Variants in TDRD15 observed in about 807,000 individuals in gnomAD.
TDRD15 encodes the protein tudor domain-containing protein 15.
For missense variants in TDRD15, 1,416 were observed against 904.7 expected (o/e 1.57, Z -7.25); for synonymous variants, 503 against 314.5 (o/e 1.60, Z -6.34).
chr2:21,124,147 C>A, intron 1 of TDRD15, 101 bp downstream of exon 1: 1 of 152,882 alleles, frequency 6.5e-6, no homozygotes, highest in Non-Finnish European at 1.5e-5. Context: ...GGGGCTTTGG[C>A]CTCCCAGGGG....
chr2:21,131,829 A>C (rs185755035), intron 2 of TDRD15, among the ~76,000 whole-genome samples: 56 of 152,318 alleles, frequency 3.7e-4, no homozygotes, highest in Non-Finnish European at 7.5e-4. Flanking sequence ...AAACGTTGGT[A>C]GATATAAGTT....
rs1224717776 is a variant in TDRD15, at chr2:21,137,685, C to T, written c.218C>T (p.Ser73Phe). 1.4e-6 allele frequency: 1 copy of T among 714,374 alleles called. No homozygotes were observed. The highest frequency in any genetic ancestry group is 2.0e-5 in the Admixed American group (1 of 49,646). The allele number at this position is 714,374 out of a possible 1,614,324, so 44.3% of individuals were successfully genotyped here. The change falls in exon 4 of 4, where the codon TCT becomes TTT. Residue 73 changes from serine to phenylalanine, a missense_variant. By Grantham distance (155) the Ser-to-Phe change is radical. Transcript: ENST00000405799. ...DEFCLVEERV[S>F]GEWQRGRVME... ...TTTTGTTTGGTGGAAGAAAGAGTATCTGGAGAATGGCAGAGAGGAAGAGTC... is the reference window on the plus strand; with the variant it reads ...TTTTGTTTGGTGGAAGAAAGAGTATTTGGAGAATGGCAGAGAGGAAGAGTC...
chr2:21,132,179 T>C (rs1305105195), intron 2 of TDRD15, among the ~76,000 whole-genome samples: 1 of 151,646 alleles, frequency 6.6e-6, no homozygotes, highest in Admixed American at 6.6e-5. Context: ...GTGATGGGAG[T>C]GTAATAGGAA....
chr2:21,127,235 A>T (rs1181141558), intron 1 of TDRD15, among the ~76,000 whole-genome samples: 1 of 151,866 alleles, frequency 6.6e-6, no homozygotes, highest in African/African-American at 2.4e-5. Flanking sequence ...ATGTTTTGTA[A>T]GTATTTTCTC....
At chr2:21,137,321 C>T (rs545814645) in intron 3 of TDRD15, 144 bp from the exon 4 acceptor site, 27 of 422,126 alleles carry the variant, frequency 6.4e-5, no homozygotes, top group Non-Finnish European at 8.6e-5. Flanking sequence ...GCGTCTCATT[C>T]GATATGTATA....
chr2:21,141,685 C>T lies in TDRD15; in HGVS notation c.4218C>T (p.Ile1406=), dbSNP rs1363078906. 4 of 715,158 alleles carry T rather than the reference C, an allele frequency of 5.6e-6. No individual in the cohort carries two copies. The highest frequency in any genetic ancestry group is 1.0e-5 in the Non-Finnish European group (4 of 383,600). The allele number at this position is 715,158 out of a possible 1,614,324, so 44.3% of individuals were successfully genotyped here. A position where few individuals can be genotyped will look rare whatever the true frequency, so the allele number is the denominator to read the frequency against. ...TTTTAACTGTTCCTCAGCTAGGAAT[C>T]CATGCTTTTCTTAGTGGAGTAAAAT... ...REFLTVPQLG[I]HAFLSGVKWN... is the part of the protein sequence containing the mutation. The change falls in exon 4 of 4, where the codon ATC becomes ATT. Residue 1406 remains isoleucine (I), a synonymous_variant. Transcript: ENST00000405799.
Position 21,143,286 on chromosome 2 carries a change from C to A in TDRD15, c.*14C>A. On this transcript the variant is annotated 3_prime_UTR_variant, in exon 4 of 4. Transcript: ENST00000405799. ...AATCCAATATAAATTACAAAGTAAG[C>A]CTATTTTCCCATTGTTAGATCAAAA... 3.7e-6 allele frequency: 2 copies of A among 539,086 alleles called. No individual in the cohort carries two copies. The highest frequency in any genetic ancestry group is 6.7e-6 in the Non-Finnish European group (2 of 298,980). 33.4% of individuals were successfully genotyped at this position (539,086 alleles called of 1,614,324 possible). A position where few individuals can be genotyped will look rare whatever the true frequency, so the allele number is the denominator to read the frequency against.
In TDRD15 at chr2:21,141,731, T is replaced by C. The variant is rs1157415536; in HGVS notation, c.4264T>C (p.Trp1422Arg). 2 of 715,242 alleles carry C rather than the reference T, an allele frequency of 2.8e-6. No homozygotes were observed. The highest frequency in any genetic ancestry group is 5.4e-5 in the East Asian group (2 of 37,248). The allele number at this position is 715,242 out of a possible 1,614,324, so 44.3% of individuals were successfully genotyped here. A position where few individuals can be genotyped will look rare whatever the true frequency, so the allele number is the denominator to read the frequency against. Residue 1422 changes from tryptophan (W) to arginine (R), a missense_variant, in exon 4 of 4, where the codon TGG (tryptophan) becomes CGG (arginine). Coordinates refer to ENST00000405799, the MANE Select transcript of TDRD15 (RefSeq NM_001306137.2). The part of the protein sequence containing the change: ...GVKWNEPDEI[W>R]DDKTVDYFTS... ...AAAATGGAATGAGCCTGATGAAATATGGGATGACAAAACTGTGGATTATTT... is the reference window on the plus strand; with the variant it reads ...AAAATGGAATGAGCCTGATGAAATACGGGATGACAAAACTGTGGATTATTT...
chr2:21,137,558 T>G lies in TDRD15; in HGVS notation c.91T>G (p.Phe31Val), dbSNP rs1447874998. The G allele has an allele frequency of 1.4e-6, 1 of 714,428 alleles. No individual in the cohort carries two copies. The highest frequency in any genetic ancestry group is 2.6e-6 in the Non-Finnish European group (1 of 383,850). The allele number at this position is 714,428 out of a possible 1,614,324, so 44.3% of individuals were successfully genotyped here. Reference protein sequence around the residue: ...KCLPKDILVKFQGIKSNECEF... With the variant: ...KCLPKDILVKVQGIKSNECEF... ...TCTTCCCAAGGATATTCTGGTGAAATTTCAAGGCATAAAGAGTAATGAATG... is the reference window on the plus strand; with the variant it reads ...TCTTCCCAAGGATATTCTGGTGAAAGTTCAAGGCATAAAGAGTAATGAATG... The change falls in exon 4 of 4, where the codon TTT becomes GTT. Residue 31 changes from phenylalanine to valine, a missense_variant. By Grantham distance (50) the Phe-to-Val change is conservative. Transcript: ENST00000405799.
At chr2:21,146,373 C>A (rs1207234031), downstream of TDRD15, among the ~76,000 whole-genome samples, 3 of 152,004 alleles carry the variant, frequency 2.0e-5, no homozygotes, top group African/African-American at 7.2e-5. Flanking sequence ...CTTAACTTTC[C>A]CATAGTTTCA....
intron 2 of TDRD15, among the ~76,000 whole-genome samples, chr2:21,134,547 C>A (rs1487039812): frequency 1.3e-5 from 2 of 151,958 alleles, no homozygotes; most frequent in Non-Finnish European, 2.9e-5. Flanking sequence ...TATGATAAGG[C>A]TGCTATCGGC....
At chr2:21,125,429 G>GGGGT (rs144874911) in intron 1 of TDRD15, among the ~76,000 whole-genome samples, 15 of 147,238 alleles carry the variant, frequency 1.0e-4, no homozygotes, top group Non-Finnish European at 1.2e-4. Flanking sequence ...CGAATGCCAG[G>GGGGT]GTGTGTGTGT....
chr2:21,144,763 G>C (rs1370651480), downstream of TDRD15, among the ~76,000 whole-genome samples: 1 of 151,820 alleles, frequency 6.6e-6, no homozygotes, highest in African/African-American at 2.4e-5. Flanking sequence ...TTCAGAAGGA[G>C]AAAGATAATT....
chr2:21,131,965 A>AG (rs1665725858), intron 2 of TDRD15, among the ~76,000 whole-genome samples: 2 of 152,042 alleles, frequency 1.3e-5, no homozygotes, highest in East Asian at 3.9e-4. Flanking sequence ...GAGGGTAGGG[A>AG]GGGGCTAGGG....
At chr2:21,147,260 TC>T (rs771345459), downstream of TDRD15, among the ~76,000 whole-genome samples, 2 of 151,878 alleles carry the variant, frequency 1.3e-5, no homozygotes, top group East Asian at 3.8e-4. Flanking sequence ...ATGGTTACAT[TC>T]ATCATTAAAT....
chr2:21,125,395 C>T (rs1219099300), intron 1 of TDRD15, among the ~76,000 whole-genome samples: 1 of 143,924 alleles, frequency 6.9e-6, no homozygotes, highest in Non-Finnish European at 1.5e-5. Context: ...AGATATAATG[C>T]TAGGGTTGTG....
intron 1 of TDRD15, among the ~76,000 whole-genome samples, chr2:21,127,039 C>A (rs573410730): frequency 6.6e-6 from 1 of 152,076 alleles, no homozygotes; most frequent in Non-Finnish European, 1.5e-5. Flanking sequence ...TATCTTAGTG[C>A]GATTTAATTT....
chr2:21,141,805 G>A lies in TDRD15; in HGVS notation c.4338G>A (p.Lys1446=), dbSNP rs1371495967. 6 of 713,634 alleles carry A rather than the reference G, an allele frequency of 8.4e-6. No individual in the cohort carries two copies. The highest frequency in any genetic ancestry group is 2.0e-5 in the Admixed American group (1 of 49,592). 44.2% of individuals were successfully genotyped at this position (713,634 alleles called of 1,614,324 possible). ...CAGTTTATTGTGAATTTTTGAAAAAGCATGATCAGAAATGGGAAGTAAATA... is the reference window on the plus strand; with the variant it reads ...CAGTTTATTGTGAATTTTTGAAAAAACATGATCAGAAATGGGAAGTAAATA... The part of the protein sequence containing the change: ...NKTVYCEFLK[K]HDQKWEVNMI... Residue 1446 remains lysine, a synonymous_variant, in exon 4 of 4, where the codon AAG becomes AAA. Transcript: ENST00000405799.
intron 2 of TDRD15, among the ~76,000 whole-genome samples, chr2:21,128,943 T>C (rs912676050): frequency 6.6e-6 from 1 of 151,772 alleles, no homozygotes; most frequent in African/African-American, 2.4e-5. Context: ...GTTATTGTTA[T>C]TTATTTTTTT....
Sources: allele counts gnomAD v4.1 joint callset (sites outside exome capture counted in the v4.1 genomes callset), GRCh38; gene constraint gnomAD v4.1.1; transcripts MANE v1.5; gene names NCBI Gene and HGNC (gene_info 2026-07-23, HGNC 2026-07-21).